Variants in CUL3 observed in about 807,000 individuals in gnomAD.
CUL3 encodes cullin-3.
In CUL3, 19 loss-of-function variants were observed where a neutral mutation model predicts 89.1. That is an observed-to-expected ratio of 0.21 (90% CI 0.15 to 0.31). The LOEUF (loss-of-function observed/expected upper bound fraction) is 0.31, where lower values mean the gene tolerates loss of function less well. CUL3 is among the 10% of genes least tolerant of loss of function. The pLI is 1.00. For synonymous variants in CUL3, 351 were observed against 308.4 expected (o/e 1.14, Z -1.45); for missense variants, 469 against 942.3 (o/e 0.50, Z 6.58).
intron 2 of CUL3, among the ~76,000 whole-genome samples, chr2:224,537,670 T>C (rs1460551947): frequency 6.6e-6 from 1 of 152,136 alleles, no homozygotes; most frequent in East Asian, 1.9e-4. Context: ...ATCATGACAA[T>C]GCAAGAGCAA....
At chr2:224,505,688 G>A (rs1269338298) in intron 8 of CUL3, 3 of 201,866 alleles carry the variant, frequency 1.5e-5, no homozygotes, top group Non-Finnish European at 3.0e-5. Flanking sequence ...CTCCTGTCTT[G>A]GCCTCCCCAA....
At chr2:224,557,563 C>A in intron 2 of CUL3, 96 bp downstream of exon 2, 1 of 800,786 alleles carries the variant, frequency 1.2e-6, no homozygotes. Flanking sequence ...GCTTCTGGCA[C>A]CTTTAAAAAG....
intron 1 of CUL3, among the ~76,000 whole-genome samples, chr2:224,582,322 C>T (rs548794744): frequency 2.2e-4 from 34 of 152,276 alleles, no homozygotes; most frequent in Non-Finnish European, 4.1e-4. Context: ...GCAACTCACG[C>T]AGTCTGTAGT....
chr2:224,548,996 G>A (rs1694406499), intron 2 of CUL3, among the ~76,000 whole-genome samples: 1 of 150,200 alleles, frequency 6.7e-6, no homozygotes, highest in Non-Finnish European at 1.5e-5. Context: ...AATAAGGCCT[G>A]GTCTCCAAAA....
intron 13 of CUL3, among the ~76,000 whole-genome samples, chr2:224,488,756 A>T (rs1691837469): frequency 1.3e-5 from 2 of 152,216 alleles, no homozygotes; most frequent in African/African-American, 2.4e-5. Context: ...ACCTTAACTC[A>T]TTTTATGAGG....
chr2:224,573,172 C>T (rs755238843), intron 1 of CUL3, among the ~76,000 whole-genome samples: 1 of 151,626 alleles, frequency 6.6e-6, no homozygotes, highest in Non-Finnish European at 1.5e-5. Flanking sequence ...ACTGTTTAAT[C>T]TATCTCTTTA....
At chr2:224,502,181 C>T (rs1421477764) in intron 10 of CUL3, among the ~76,000 whole-genome samples, 1 of 152,094 alleles carries the variant, frequency 6.6e-6, no homozygotes, top group Non-Finnish European at 1.5e-5. Flanking sequence ...GACTATAAGG[C>T]CAGTAGAAGT....
At chr2:224,530,099 C>T (rs1449473373) in intron 3 of CUL3, among the ~76,000 whole-genome samples, 5 of 151,652 alleles carry the variant, frequency 3.3e-5, no homozygotes, top group Admixed American at 1.3e-4. Context: ...ATTAGCCGGG[C>T]GTGGTGGCAG....
intron 5 of CUL3, among the ~76,000 whole-genome samples, chr2:224,512,772 T>G (rs1194659758): frequency 3.3e-5 from 5 of 152,252 alleles, no homozygotes; most frequent in Admixed American, 3.3e-4. Flanking sequence ...TCGTTGGTGA[T>G]GTACTGCTGT....
At chr2:224,528,085 T>C (rs1693543786) in intron 3 of CUL3, among the ~76,000 whole-genome samples, 1 of 152,366 alleles carries the variant, frequency 6.6e-6, no homozygotes, top group Non-Finnish European at 1.5e-5. Flanking sequence ...CCATTTTTTT[T>C]CCTTGTATTA....
intron 1 of CUL3, among the ~76,000 whole-genome samples, chr2:224,562,176 CAT>C (rs1694922727): frequency 6.6e-6 from 1 of 151,860 alleles, no homozygotes; most frequent in African/African-American, 2.4e-5. Flanking sequence ...ATTATTATAA[CAT>C]AACCATTTTC....
chr2:224,489,509 C>T (rs1474754042), intron 13 of CUL3, among the ~76,000 whole-genome samples: 1 of 152,108 alleles, frequency 6.6e-6, no homozygotes, highest in Admixed American at 6.6e-5. Context: ...ACAATTACTA[C>T]AAAGAGAATA....
At position 224,472,680 on chromosome 2, in the gene CUL3, G is replaced by A. The variant is rs1165499404; in HGVS notation, c.*1565C>T. 5.2e-6 allele frequency: 1 copy of A among 192,474 alleles called. No individual in the cohort carries two copies. The highest frequency in any genetic ancestry group is 8.3e-5 in the East Asian group (1 of 12,070). 11.9% of individuals were successfully genotyped at this position (192,474 alleles called of 1,614,324 possible). A position where few individuals can be genotyped will look rare whatever the true frequency, so the allele number is the denominator to read the frequency against. On this transcript the variant is annotated 3_prime_UTR_variant, in exon 16 of 16. Transcript: ENST00000264414. ...GGCTTGTAATTCTACAGTACAGATGGAGACAAAATTGCAATAAAAGCATAT... is the reference window on the plus strand; with the variant it reads ...GGCTTGTAATTCTACAGTACAGATGAAGACAAAATTGCAATAAAAGCATAT...
At chr2:224,538,395 C>T (rs1007884892) in intron 2 of CUL3, among the ~76,000 whole-genome samples, 1 of 152,064 alleles carries the variant, frequency 6.6e-6, no homozygotes, top group Non-Finnish European at 1.5e-5. Context: ...GGCACATAAA[C>T]TACACATTAA....
chr2:224,536,908 G>C (rs1293145022), intron 2 of CUL3, among the ~76,000 whole-genome samples: 3 of 152,108 alleles, frequency 2.0e-5, no homozygotes. Context: ...GTAACACTTT[G>C]GGACTATACT....
intron 2 of CUL3, among the ~76,000 whole-genome samples, chr2:224,548,120 A>T (rs1403261611): frequency 6.6e-6 from 1 of 152,244 alleles, no homozygotes; most frequent in Non-Finnish European, 1.5e-5. Flanking sequence ...AGTCACTTGA[A>T]ACTTGAAACC....
intron 3 of CUL3, among the ~76,000 whole-genome samples, chr2:224,515,705 T>TG (rs1469568988): frequency 4.9e-4 from 75 of 152,102 alleles, no homozygotes; most frequent in Admixed American, 1.1e-3. Flanking sequence ...CTTTTTTTTT[T>TG]TTTTGAGATG....
intron 13 of CUL3, 109 bp downstream of exon 13, chr2:224,495,723 T>G: frequency 1.1e-6 from 1 of 877,214 alleles, no homozygotes; most frequent in Non-Finnish European, 1.7e-6. Flanking sequence ...CAGTTTTCTC[T>G]AAAAGTACCC....
At position 224,471,282 on chromosome 2, in the gene CUL3, T is replaced by A. The variant is rs372269552; in HGVS notation, c.*2963A>T. 4.9e-6 allele frequency: 1 copy of A among 205,222 alleles called. No homozygotes were observed. Among genetic ancestry groups the A allele is most frequent in the Non-Finnish European group, 1.0e-5 (1 of 100,402 alleles). The allele number at this position is 205,222 out of a possible 1,614,324, so 12.7% of individuals were successfully genotyped here. On this transcript the variant is annotated 3_prime_UTR_variant, in exon 16 of 16. Coordinates refer to ENST00000264414, the MANE Select transcript of CUL3 (RefSeq NM_003590.5). The stretch of plus-strand genomic sequence containing the variant: ...ATAAAAAATTATTCTATGAAAGTCT[T>A]AAGTTACAGTAGACAGGCAAAGATA...
Sources: allele counts gnomAD v4.1 joint callset (sites outside exome capture counted in the v4.1 genomes callset), GRCh38; gene constraint gnomAD v4.1.1; transcripts MANE v1.5; gene names NCBI Gene and HGNC (gene_info 2026-07-23, HGNC 2026-07-21).